Variants in GRIK1 observed in about 807,000 individuals in gnomAD.
GRIK1 encodes glutamate ionotropic receptor kainate type subunit 1, also known as glutamate receptor ionotropic, kainate 1.
Under a neutral mutation model 105.7 loss-of-function variants are expected in GRIK1, and 69 were observed. That is an observed-to-expected ratio of 0.65 (90% CI 0.54 to 0.80). GRIK1 has a LOEUF of 0.80. Ranked by LOEUF, GRIK1 falls within the 30% of genes least tolerant of loss-of-function variation. GRIK1 has a pLI of 0.00. For missense variants in GRIK1, 1,109 were observed against 1,167.3 expected, an observed-to-expected ratio of 0.95 and a Z score of 0.73; for synonymous variants, 438 against 431.3, an observed-to-expected ratio of 1.02 and a Z score of -0.19.
At chr21:29,669,552 A>G (rs2063125052) in intron 4 of GRIK1, among the ~76,000 whole-genome samples, 1 of 152,230 alleles carries the variant, frequency 6.6e-6, no homozygotes, top group African/African-American at 2.4e-5. Flanking sequence ...AAGTGAGCAC[A>G]CAGGCTCTGA....
At chr21:29,605,185 C>A (rs575238481) in intron 7 of GRIK1, among the ~76,000 whole-genome samples, 1 of 152,260 alleles carries the variant, frequency 6.6e-6, no homozygotes, top group East Asian at 1.9e-4. Context: ...GCCCAGCATC[C>A]ATTAGCTGTT....
intron 1 of GRIK1, among the ~76,000 whole-genome samples, chr21:29,789,714 T>C (rs529812669): frequency 1.4e-4 from 22 of 152,346 alleles, no homozygotes; most frequent in South Asian, 1.2e-3. Flanking sequence ...ATTTGTTTTT[T>C]ATTTGCTACA....
At chr21:29,719,836 T>C (rs1431949081) in intron 1 of GRIK1, among the ~76,000 whole-genome samples, 1 of 152,228 alleles carries the variant, frequency 6.6e-6, no homozygotes, top group African/African-American at 2.4e-5. Context: ...TCAAGGCTCC[T>C]ATGCAATTTG....
intron 1 of GRIK1, among the ~76,000 whole-genome samples, chr21:29,714,735 T>A (rs567034541): frequency 1.6e-4 from 25 of 152,338 alleles, no homozygotes; most frequent in Admixed American, 5.2e-4. Context: ...GCTGTAAAAT[T>A]ACCTCTAGCT....
intron 4 of GRIK1, among the ~76,000 whole-genome samples, chr21:29,656,389 A>AAAAAT (rs869096813): frequency 2.1e-5 from 3 of 145,502 alleles, no homozygotes; most frequent in South Asian, 2.2e-4. Context: ...AAAAAAAAAA[A>AAAAAT]GAAATGAAGA....
chr21:29,934,614 C>A (rs984496052), intron 1 of GRIK1, among the ~76,000 whole-genome samples: 35 of 152,166 alleles, frequency 2.3e-4, no homozygotes, highest in Admixed American at 2.0e-3. Context: ...CACACTTATA[C>A]TGTGTGTACT....
chr21:29,671,964 A>G (rs2063168116), intron 4 of GRIK1, among the ~76,000 whole-genome samples: 1 of 151,680 alleles, frequency 6.6e-6, no homozygotes, highest in Admixed American at 6.6e-5. Flanking sequence ...ACCCCCCAAA[A>G]TGTCTTCAGA....
intron 12 of GRIK1, 143 bp from the exon 13 acceptor site, chr21:29,581,686 A>C: frequency 1.7e-6 from 1 of 579,612 alleles, no homozygotes; most frequent in Non-Finnish European, 3.1e-6. Context: ...CATAGTCATA[A>C]ACTTACAGCT....
chr21:29,690,075 C>T (rs2063558477), intron 2 of GRIK1, 90 bp from the exon 3 acceptor site: 2 of 999,130 alleles, frequency 2.0e-6, no homozygotes, highest in Non-Finnish European at 3.0e-6. Flanking sequence ...TTTTTTCTTT[C>T]ATGATTCCTC....
intron 1 of GRIK1, among the ~76,000 whole-genome samples, chr21:29,781,965 C>T (rs887206671): frequency 4.0e-5 from 6 of 151,844 alleles, no homozygotes; most frequent in South Asian, 2.1e-4. Context: ...CCACCGCGCC[C>T]GGCCTAACCT....
chr21:29,782,140 G>A (rs2066132756), intron 1 of GRIK1, among the ~76,000 whole-genome samples: 1 of 148,542 alleles, frequency 6.7e-6, no homozygotes, highest in South Asian at 2.2e-4. Flanking sequence ...AGGCTGGAGT[G>A]CAGTGGCGCG....
At chr21:29,736,682 CTTT>C (rs748838440) in intron 1 of GRIK1, among the ~76,000 whole-genome samples, 1 of 141,734 alleles carries the variant, frequency 7.1e-6, no homozygotes. Flanking sequence ...CTTTCCTTTT[CTTT>C]TTTTTTTTTT....
chr21:29,713,444 T>C (rs555784341), intron 1 of GRIK1, among the ~76,000 whole-genome samples: 1 of 152,318 alleles, frequency 6.6e-6, no homozygotes, highest in South Asian at 2.1e-4. Flanking sequence ...CAGAGAAATA[T>C]TGCCTAATAT....
intron 4 of GRIK1, among the ~76,000 whole-genome samples, chr21:29,670,562 A>G (rs2063144206): frequency 6.6e-6 from 1 of 152,196 alleles, no homozygotes; most frequent in Non-Finnish European, 1.5e-5. Context: ...CCTATTCCAG[A>G]CCTGCCTTTG....
At chr21:29,742,874 C>T (rs1186674228) in intron 1 of GRIK1, among the ~76,000 whole-genome samples, 1 of 152,166 alleles carries the variant, frequency 6.6e-6, no homozygotes, top group African/African-American at 2.4e-5. Flanking sequence ...TTTGAGATGG[C>T]ACCTTAATTG....
chr21:29,785,457 G>A (rs181019077), intron 1 of GRIK1, among the ~76,000 whole-genome samples: 9 of 151,616 alleles, frequency 5.9e-5, no homozygotes, highest in Admixed American at 3.9e-4. Context: ...CCAGCTACTC[G>A]GGAGGTTGAG....
chr21:29,725,877 C>A (rs867298963), intron 1 of GRIK1, among the ~76,000 whole-genome samples: 1 of 152,190 alleles, frequency 6.6e-6, no homozygotes, highest in Non-Finnish European at 1.5e-5. Context: ...GCCTCCCACA[C>A]GCAAAACAAG....
At chr21:29,906,607 T>A (rs1403939482) in intron 1 of GRIK1, among the ~76,000 whole-genome samples, 2 of 152,202 alleles carry the variant, frequency 1.3e-5, no homozygotes, top group East Asian at 3.9e-4. Flanking sequence ...GTTTATAGGC[T>A]GAAGAGGTTT....
At chr21:29,816,740 G>C (rs1462382511) in intron 1 of GRIK1, among the ~76,000 whole-genome samples, 1 of 152,028 alleles carries the variant, frequency 6.6e-6, no homozygotes, top group Non-Finnish European at 1.5e-5. Flanking sequence ...AGCTAAGAAA[G>C]TCAATCCCAT....
Sources: allele counts gnomAD v4.1 joint callset (sites outside exome capture counted in the v4.1 genomes callset), GRCh38; gene constraint gnomAD v4.1.1; transcripts MANE v1.5; gene names NCBI Gene and HGNC (gene_info 2026-07-23, HGNC 2026-07-21).